SVOP: variants seen among roughly 807,000 people sequenced by gnomAD.
The protein encoded by SVOP is SV2 related protein, also known as synaptic vesicle 2-related protein.
Under a neutral mutation model 69.1 loss-of-function variants are expected in SVOP, and 17 were observed. The ratio of observed to expected loss-of-function variants is 0.25; its 90% confidence interval spans 0.17 to 0.37. The LOEUF (loss-of-function observed/expected upper bound fraction) is 0.37, where lower values mean the gene tolerates loss of function less well. Among genes scored for constraint, SVOP ranks in the 10% least tolerant of loss-of-function variants. The probability of loss-of-function intolerance (pLI) is 1.00; values close to 1 mark genes in which losing one functional copy is unlikely to be tolerated. For synonymous variants in SVOP, 238 were observed against 238.6 expected (o/e 1.00, Z 0.02); for missense variants, 435 against 597.5 (o/e 0.73, Z 2.84).
intron 1 of SVOP, among the ~76,000 whole-genome samples, chr12:109,014,079 G>A (rs1383997820): frequency 6.8e-6 from 1 of 146,558 alleles, no homozygotes; most frequent in Admixed American, 6.9e-5. Context: ...GCCACGGTGT[G>A]ATCTCAGCTC....
chr12:109,012,084 A>G (rs1004738065), intron 1 of SVOP, among the ~76,000 whole-genome samples: 7 of 152,134 alleles, frequency 4.6e-5, no homozygotes, highest in African/African-American at 1.7e-4. Flanking sequence ...GGAGTTCAAG[A>G]CCAGCCTGGC....
intron 6 of SVOP, among the ~76,000 whole-genome samples, 182 bp downstream of exon 6, chr12:108,960,741 T>C (rs2040013538): frequency 6.6e-6 from 1 of 152,180 alleles, no homozygotes; most frequent in African/African-American, 2.4e-5. Flanking sequence ...TTGTTGATCA[T>C]AACAATACTG....
chr12:108,989,388 T>C (rs2040185707), intron 1 of SVOP, among the ~76,000 whole-genome samples: 1 of 151,992 alleles, frequency 6.6e-6, no homozygotes. Flanking sequence ...ATGGCGATGT[T>C]TGTGTAAGCG....
At chr12:109,005,309 C>T (rs1236429351) in intron 1 of SVOP, among the ~76,000 whole-genome samples, 2 of 152,136 alleles carry the variant, frequency 1.3e-5, no homozygotes, top group East Asian at 3.8e-4. Context: ...TTCTCTGAGC[C>T]TCAGTTTTCT....
intron 10 of SVOP, among the ~76,000 whole-genome samples, chr12:108,935,731 A>G (rs2039852499): frequency 6.6e-6 from 1 of 152,206 alleles, no homozygotes; most frequent in South Asian, 2.1e-4. Context: ...GTTCACTATT[A>G]ATGCTGTGTA....
At chr12:108,927,049 T>C (rs909528626) in intron 11 of SVOP, among the ~76,000 whole-genome samples, 3 of 152,198 alleles carry the variant, frequency 2.0e-5, no homozygotes, top group Non-Finnish European at 4.4e-5. Flanking sequence ...TACTGTCTAG[T>C]ATAAAAGGTT....
chr12:108,999,848 C>A (rs1593205324), intron 1 of SVOP, among the ~76,000 whole-genome samples: 1 of 151,464 alleles, frequency 6.6e-6, no homozygotes, highest in East Asian at 1.9e-4. Flanking sequence ...TAAATGCCCA[C>A]AAGAGAAAGC....
In SVOP at chr12:108,945,124, A is replaced by C; in HGVS notation, c.621T>G (p.Ala207=). 6.5e-7 allele frequency: 1 copy of C among 1,537,134 alleles called. No homozygotes were observed. Among genetic ancestry groups the C allele is most frequent in the Non-Finnish European group, 8.7e-7 (1 of 1,146,830 alleles). Residue 207 remains alanine, a synonymous_variant, in exon 7 of 16, where the codon GCT becomes GCG. Transcript: ENST00000610966. ...TTACCTCAATCAGCAAAATACATTT[A>C]GCTCTGGCTTTCATGGGAAGGAACT... The part of the protein sequence containing the change: ...YAEFLPMKAR[A]KCILLIEVFW...
chr12:108,993,547 T>C (rs1566064779), intron 1 of SVOP, among the ~76,000 whole-genome samples: 1 of 152,162 alleles, frequency 6.6e-6, no homozygotes, highest in Non-Finnish European at 1.5e-5. Context: ...GCAGTGCTCA[T>C]AGTCTACCAG....
chr12:109,004,702 T>TATTTCATTTCATTTCATTTC (rs149632810), intron 1 of SVOP, among the ~76,000 whole-genome samples: 1 of 146,350 alleles, frequency 6.8e-6, no homozygotes, highest in African/African-American at 2.5e-5. Flanking sequence ...CTGATACAAG[T>TATTTCATTTCATTTCATTTC]ATTTCATTTC....
intron 1 of SVOP, among the ~76,000 whole-genome samples, chr12:109,005,782 C>G (rs1025075775): frequency 1.3e-5 from 2 of 152,046 alleles, no homozygotes; most frequent in Non-Finnish European, 2.9e-5. Context: ...GACAGTCCCA[C>G]ACAAATAGGG....
chr12:108,981,664 C>A (rs1056799988), intron 2 of SVOP, among the ~76,000 whole-genome samples: 1 of 152,172 alleles, frequency 6.6e-6, no homozygotes, highest in Non-Finnish European at 1.5e-5. Flanking sequence ...AGTTTCCTCA[C>A]CTGCAAAATG....
intron 1 of SVOP, among the ~76,000 whole-genome samples, chr12:108,999,406 G>T (rs1418347686): frequency 7.4e-5 from 11 of 149,596 alleles, no homozygotes; most frequent in African/African-American, 2.7e-4. Context: ...AGATCAATGA[G>T]ACAGAAAGTC....
intron 5 of SVOP, among the ~76,000 whole-genome samples, chr12:108,968,033 C>G (rs1009151567): frequency 2.0e-5 from 3 of 152,136 alleles, no homozygotes; most frequent in African/African-American, 7.2e-5. Flanking sequence ...AGTTGGGATC[C>G]TACATGAATG....
intron 11 of SVOP, among the ~76,000 whole-genome samples, chr12:108,929,321 T>C (rs1387009018): frequency 2.0e-5 from 3 of 152,092 alleles, no homozygotes; most frequent in African/African-American, 7.2e-5. Context: ...AGTTAGTTAG[T>C]TAGCTAGTTA....
rs370752888 is a variant in SVOP at position 108,946,690 on chromosome 12, T to TTTATTATTA, written c.579-1533_579-1525dup. The stretch of plus-strand genomic sequence containing the variant: ...TTTATTCCATGAGTTGCAACCTGTT[T>TTTATTATTA]TTATTATTATTATTATTATTATTAT... On this transcript the variant is annotated intron_variant, in intron 6 of 15. Transcript: ENST00000610966. Among the ~76,000 whole-genome samples the TTTATTATTA allele has an allele frequency of 8.3e-3, 1,127 of 136,498 alleles. 10 individuals carry two copies. The highest frequency in any genetic ancestry group is 0.018 in the East Asian group (84 of 4,798). The allele number at this position is 136,498 out of a possible 152,430, so 89.5% of individuals were successfully genotyped here. A position where few individuals can be genotyped will look rare whatever the true frequency, so the allele number is the denominator to read the frequency against.
At chr12:108,967,853 CA>C (rs2040054310) in intron 5 of SVOP, among the ~76,000 whole-genome samples, 1 of 152,112 alleles carries the variant, frequency 6.6e-6, no homozygotes, top group Non-Finnish European at 1.5e-5. Flanking sequence ...TGGAAGGTGC[CA>C]AAATATGGTT....
intron 1 of SVOP, among the ~76,000 whole-genome samples, chr12:109,001,187 A>T (rs1305327188): frequency 5.0e-5 from 3 of 59,940 alleles, no homozygotes; most frequent in Non-Finnish European, 7.3e-5. Context: ...GAGCCAAATC[A>T]TGAGTGAACT....
In SVOP at chr12:108,916,252, G is replaced by A. The variant is rs186744153; in HGVS notation, c.1351-380C>T. Among the ~76,000 whole-genome samples, 261 of 152,350 alleles carry A rather than the reference G, an allele frequency of 1.7e-3. 5 individuals carry two copies. The South Asian group carries it at 0.021, about 12-fold the overall frequency. The stretch of plus-strand genomic sequence containing the variant: ...AAGGGACTTCATAAAGAGAGAGATG[G>A]AAATGTTTACAGTCTCTCAGTTTGT... On this transcript the variant is annotated intron_variant, in intron 14 of 15. Transcript: ENST00000610966.
Sources: allele counts gnomAD v4.1 joint callset (sites outside exome capture counted in the v4.1 genomes callset), GRCh38; gene constraint gnomAD v4.1.1; transcripts MANE v1.5; gene names NCBI Gene and HGNC (gene_info 2026-07-23, HGNC 2026-07-21).